Variants in MGST1 observed in about 807,000 individuals in gnomAD.
MGST1 encodes the protein glutathione S-transferase 12.
A neutral mutation model predicts 8.9 loss-of-function variants in MGST1; 5 were observed. That is an observed-to-expected ratio of 0.56 (90% CI 0.29 to 1.19). The LOEUF (loss-of-function observed/expected upper bound fraction) is 1.19. Ranked by LOEUF, MGST1 falls within the 50% of genes most tolerant of loss-of-function variation. The pLI, the probability that MGST1 is intolerant of heterozygous loss-of-function variation, is 0.08. For synonymous variants in MGST1, 54 were observed against 67.8 expected, an observed-to-expected ratio of 0.80 and a Z score of 1.00; for missense variants, 182 against 187.4, an observed-to-expected ratio of 0.97 and a Z score of 0.17.
chr12:16,565,142 TA>T (rs1182011169), intron 4 of MGST1, among the ~76,000 whole-genome samples: 1 of 151,904 alleles, frequency 6.6e-6, no homozygotes, highest in African/African-American at 2.4e-5. Context: ...ATCCTATCTT[TA>T]AAAAAAACTA....
intron 4 of MGST1, among the ~76,000 whole-genome samples, chr12:16,570,332 C>A (rs116036440): frequency 1.1e-4 from 16 of 152,126 alleles, no homozygotes; most frequent in African/African-American, 3.6e-4. Context: ...TCTTTTTCAT[C>A]CTTTTCTTTC....
chr12:16,579,830 G>A (rs1943103287), intron 4 of MGST1, among the ~76,000 whole-genome samples: 1 of 152,184 alleles, frequency 6.6e-6, no homozygotes, highest in South Asian at 2.1e-4. Flanking sequence ...AGAAGTGATA[G>A]GATGACAATC....
intron 4 of MGST1, chr12:16,573,424 C>T (rs1942887516): frequency 6.6e-6 from 1 of 152,112 alleles, no homozygotes; most frequent in Non-Finnish European, 1.5e-5. Flanking sequence ...GATATTTGAA[C>T]GCGTGTGTGC....
intron 4 of MGST1, among the ~76,000 whole-genome samples, chr12:16,479,214 C>A (rs1391398187): frequency 7.1e-6 from 1 of 139,874 alleles, no homozygotes; most frequent in African/African-American, 2.6e-5. Context: ...ATATATATAA[C>A]GTATTTTTAA....
intron 4 of MGST1, chr12:16,573,746 A>T (rs1252240411): frequency 6.6e-6 from 1 of 152,176 alleles, no homozygotes; most frequent in African/African-American, 2.4e-5. Context: ...AGGGATTGCA[A>T]AACAAGGCCG....
chr12:16,554,497 A>G (rs1340472182), intron 4 of MGST1, among the ~76,000 whole-genome samples: 3 of 152,072 alleles, frequency 2.0e-5, no homozygotes, highest in African/African-American at 7.2e-5. Flanking sequence ...TTCCTCCACT[A>G]TACACCTGTG....
rs531212525 is a variant in MGST1 at position 16,565,786 on chromosome 12, G to T, written n.483-23742G>T. Among the ~76,000 whole-genome samples the T allele has an allele frequency of 3.2e-4, 48 of 151,132 alleles. 1 individual carries two copies. In the South Asian group the frequency reaches 9.2e-3, roughly 29 times the overall value. On this transcript the variant is annotated intron_variant and non_coding_transcript_variant, in intron 4 of 4. Coordinates refer to the MGST1 transcript ENST00000538857. ...AGCCATTACAGAAAACAGTATGGAGGTTCCTCAAAAAAATTAAAAACAGAA... is the reference window on the plus strand; with the variant it reads ...AGCCATTACAGAAAACAGTATGGAGTTTCCTCAAAAAAATTAAAAACAGAA...
chr12:16,395,804 T>TATATATATATATATATATAC (rs1338860243), intron 1 of MGST1, among the ~76,000 whole-genome samples: 22 of 123,728 alleles, frequency 1.8e-4, no homozygotes, highest in East Asian at 5.7e-4. Context: ...TATATATATA[T>TATATATATATATATATATAC]ACACACACAC....
Position 16,517,126 on chromosome 12 carries a change from T to G in MGST1, n.483-72402T>G, listed in dbSNP as rs910558223. Reference sequence around the variant, plus strand: ...GTAACCTGAGAAGCGATATGCAAAGTCATTGGAAGGAAGCTGAATGGCTCC... The same window carrying G: ...GTAACCTGAGAAGCGATATGCAAAGGCATTGGAAGGAAGCTGAATGGCTCC... On this transcript the variant is annotated intron_variant and non_coding_transcript_variant, in intron 4 of 4. Coordinates refer to the MGST1 transcript ENST00000538857. This position sits in a 1 kb window ranked among gnomAD's most constrained non-coding sequence, Gnocchi z 4.2. 3.3e-5 allele frequency among the ~76,000 whole-genome samples: 5 copies of G among 152,044 alleles called. No individual in the cohort carries two copies. Among genetic ancestry groups the G allele is most frequent in the African/African-American group, 9.7e-5 (4 of 41,388 alleles).
intron 4 of MGST1, among the ~76,000 whole-genome samples, chr12:16,478,750 C>A (rs1941343675): frequency 6.6e-6 from 1 of 151,842 alleles, no homozygotes; most frequent in Non-Finnish European, 1.5e-5. Flanking sequence ...CTCAAAAAAA[C>A]AAAATAATTA....
intron 4 of MGST1, among the ~76,000 whole-genome samples, chr12:16,465,694 A>G (rs936199404): frequency 3.3e-5 from 5 of 152,196 alleles, no homozygotes; most frequent in African/African-American, 1.2e-4. Context: ...GCGAGTATGT[A>G]ATAATAATAG....
chr12:16,380,983 T>C (rs574494437), downstream of MGST1, among the ~76,000 whole-genome samples: 38 of 152,184 alleles, frequency 2.5e-4, no homozygotes, highest in Non-Finnish European at 2.8e-4. Context: ...TTTTTTCTTT[T>C]CCATTCGCTT....
rs1275254162 is a variant in MGST1, at chr12:16,369,478, C to T, written c.222-6644C>T. Among the ~76,000 whole-genome samples, 1 of 152,086 alleles carries T rather than the reference C, an allele frequency of 6.6e-6. No homozygotes were observed. The highest frequency in any genetic ancestry group is 1.9e-4 in the East Asian group (1 of 5,184). ...AAACTTGGCTGATTCAGAAAGATCT[C>T]AACTAGGGTTACTTGGGCAACTCAA... On this transcript the variant is annotated intron_variant, in intron 3 of 3. Transcript: ENST00000535309. The surrounding 1 kb of genome is among the most constrained non-coding windows in gnomAD (Gnocchi z 4.8).
rs916719163 is a variant in MGST1 at position 16,354,288 on chromosome 12, A to G, written c.36A>G (p.Val12=). 7.5e-6 allele frequency: 12 copies of G among 1,608,544 alleles called. No homozygotes were observed. In the African/African-American group the frequency reaches 1.5e-4, roughly 20 times the overall value. The change falls in exon 2 of 4, where the codon GTA becomes GTG. Residue 12 remains valine, a synonymous_variant. Transcript: ENST00000396210. ...TCACCCAGGTAATGGATGATGAAGT[A>G]TTCATGGCTTTTGCATCCTATGCAA... The part of the protein sequence containing the change: ...VDLTQVMDDE[V]FMAFASYATI...
At position 16,400,744 on chromosome 12, in the gene MGST1, G is replaced by T. The variant is rs537669762; in HGVS notation, n.778+17140G>T. ...GCAAGTAAGTATAATCTCCTTCCAC[G>T]GACATACTTATATTCTTGATTGTGG... On this transcript the variant is annotated intron_variant and non_coding_transcript_variant, in intron 1 of 1. Coordinates refer to the MGST1 transcript ENST00000359720. The T allele has an allele frequency of 2.0e-5, 26 of 1,277,450 alleles. No homozygotes were observed. The East Asian group carries it at 6.0e-4, about 29-fold the overall frequency. 79.1% of individuals were successfully genotyped at this position (1,277,450 alleles called of 1,614,324 possible).
rs1940531099 is a variant in MGST1 at position 16,389,389 on chromosome 12, T to C, written n.778+5785T>C. ...CCTGTTTTGCTTATAGAAGACCATT[T>C]AAACCAGACTGTAGTTGAACTAAAA... On this transcript the variant is annotated intron_variant and non_coding_transcript_variant, in intron 1 of 1. Transcript: ENST00000359720. The surrounding 1 kb of genome is among the most constrained non-coding windows in gnomAD (Gnocchi z 4.6). 1.3e-5 allele frequency among the ~76,000 whole-genome samples: 2 copies of C among 152,260 alleles called. No homozygotes were observed. Among genetic ancestry groups the C allele is most frequent in the Non-Finnish European group, 2.9e-5 (2 of 68,052 alleles).
intron 4 of MGST1, among the ~76,000 whole-genome samples, chr12:16,481,064 A>G (rs1189919240): frequency 6.6e-6 from 1 of 152,220 alleles, no homozygotes; most frequent in Non-Finnish European, 1.5e-5. Context: ...GGCTTCAAGT[A>G]GAACAAAGAA....
chr12:16,435,028 A>C (rs1044453890), intron 1 of MGST1, among the ~76,000 whole-genome samples: 7 of 152,006 alleles, frequency 4.6e-5, no homozygotes, highest in Non-Finnish European at 8.8e-5. Flanking sequence ...AATTTATCTC[A>C]TAAGAATATT....
chr12:16,395,830 A>C (rs1412774490), intron 1 of MGST1, among the ~76,000 whole-genome samples: 1 of 122,478 alleles, frequency 8.2e-6, no homozygotes, highest in Non-Finnish European at 1.7e-5. Context: ...CACACACCAC[A>C]ATTTCTTTAT....
Sources: allele counts gnomAD v4.1 joint callset (sites outside exome capture counted in the v4.1 genomes callset), GRCh38; gene constraint gnomAD v4.1.1; non-coding constraint Gnocchi (gnomAD v3.1); transcripts MANE v1.5; gene names NCBI Gene and HGNC (gene_info 2026-07-23, HGNC 2026-07-21).